Variants in STXBP5 observed in about 807,000 individuals in gnomAD.
STXBP5 encodes syntaxin binding protein 5.
STXBP5 carries 50 observed loss-of-function variants against 152.4 expected under a neutral mutation model. That is an observed-to-expected ratio of 0.33 (90% CI 0.26 to 0.42). STXBP5 has a LOEUF of 0.42. Among genes scored for constraint, STXBP5 ranks in the 10% least tolerant of loss-of-function variants. The probability of loss-of-function intolerance (pLI) is 1.00; values close to 1 mark genes in which losing one functional copy is unlikely to be tolerated. For synonymous variants in STXBP5, 492 were observed against 494.7 expected, an observed-to-expected ratio of 0.99 and a Z score of 0.07; for missense variants, 1,167 against 1,388.6, an observed-to-expected ratio of 0.84 and a Z score of 2.54.
chr6:147,315,663 C>T lies in STXBP5; in HGVS notation c.1551C>T (p.Cys517=). ...GGTGTCCAGAAAGTAGAATGCTGTG[C>T]ATCGCTGGAGTTTCAGCTCATGTCA... The part of the protein sequence containing the change: ...ISWCPESRML[C]IAGVSAHVII... The change falls in exon 15 of 28, where the codon TGC becomes TGT. Residue 517 remains cysteine, a synonymous_variant. Coordinates refer to ENST00000321680, the MANE Select transcript of STXBP5 (RefSeq NM_001127715.4). The T allele has an allele frequency of 1.2e-6, 2 of 1,613,900 alleles. No homozygotes were observed. The highest frequency in any genetic ancestry group is 1.1e-5 in the South Asian group (1 of 91,076).
Position 147,311,520 on chromosome 6 carries a change from C to G in STXBP5, c.1138C>G (p.Gln380Glu). The G allele has an allele frequency of 6.2e-7, 1 of 1,609,800 alleles. No individual in the cohort carries two copies. Among genetic ancestry groups the G allele is most frequent in the Non-Finnish European group, 8.5e-7 (1 of 1,177,930 alleles). The change falls in exon 11 of 28, where the codon CAA becomes GAA. Residue 380 changes from glutamine to glutamate, a missense_variant. Coordinates refer to ENST00000321680, the MANE Select transcript of STXBP5 (RefSeq NM_001127715.4). ...EKDLVLIDLAQNGYPIFENPY... is the reference protein window; with the variant it reads ...EKDLVLIDLAENGYPIFENPY... ...GGATTTAGTACTTATAGACCTTGCA[C>G]AAAATGGGTAAGAAATAAAATTTGG...
intron 9 of STXBP5, among the ~76,000 whole-genome samples, chr6:147,303,928 G>T (rs1439455796): frequency 1.3e-5 from 2 of 152,128 alleles, no homozygotes; most frequent in African/African-American, 4.8e-5. Flanking sequence ...ATTATTTGGT[G>T]TTATCTGGTG....
At chr6:147,362,425 G>A (rs1785108187) in intron 23 of STXBP5, among the ~76,000 whole-genome samples, 1 of 152,126 alleles carries the variant, frequency 6.6e-6, no homozygotes, top group Non-Finnish European at 1.5e-5. Flanking sequence ...ACTCAGAAGT[G>A]AGCATAAAGC....
chr6:147,328,309 T>G (rs1783377506), intron 18 of STXBP5, among the ~76,000 whole-genome samples: 1 of 152,172 alleles, frequency 6.6e-6, no homozygotes, highest in Admixed American at 6.5e-5. Context: ...GACCAGAGAT[T>G]GAGGGCAACC....
chr6:147,314,663 GT>G, intron 14 of STXBP5, 27 bp downstream of exon 14: 4 of 1,555,352 alleles, frequency 2.6e-6, no homozygotes, highest in Non-Finnish European at 3.5e-6. Context: ...TTCATTATTT[GT>G]TATATGTTAT....
intron 26 of STXBP5, among the ~76,000 whole-genome samples, chr6:147,381,560 A>G (rs1786084295): frequency 6.6e-6 from 1 of 152,168 alleles, no homozygotes; most frequent in Admixed American, 6.5e-5. Context: ...GAAAACATGC[A>G]TTTACCCAAA....
At position 147,325,054 on chromosome 6, in the gene STXBP5, C is replaced by A. The variant is rs932927025; in HGVS notation, c.1898C>A (p.Thr633Asn). 13 of 1,578,580 alleles carry A rather than the reference C, an allele frequency of 8.2e-6. No homozygotes were observed. In the African/African-American group the frequency reaches 1.8e-4, roughly 21 times the overall value. ...GGTGGAGAACCACCACAACAAATAA[C>A]CAGCCTGGCAGTCAATTCTTCCTAT... ...WVGGEPPQQITSLAVNSSYGL... is the reference protein window; with the variant it reads ...WVGGEPPQQINSLAVNSSYGL... Residue 633 changes from threonine to asparagine, a missense_variant, in exon 17 of 28, where the codon ACC becomes AAC. Physicochemically the swap from Thr to Asn is moderately conservative, Grantham distance 65. Around this residue, in one of 3 missense-constraint regions of STXBP5, gnomAD observed 833 missense variants for 986.3 expected, o/e 0.84. Coordinates refer to ENST00000321680, the MANE Select transcript of STXBP5 (RefSeq NM_001127715.4).
At chr6:147,325,234 G>A (rs1783187950) in intron 17 of STXBP5, 150 bp downstream of exon 17, 1 of 838,966 alleles carries the variant, frequency 1.2e-6, no homozygotes. Context: ...CTGTTTATTT[G>A]GAACATAATT....
chr6:147,332,928 C>T (rs1369841273), intron 18 of STXBP5, among the ~76,000 whole-genome samples: 1 of 152,124 alleles, frequency 6.6e-6, no homozygotes, highest in East Asian at 1.9e-4. Flanking sequence ...GGACCCTCAA[C>T]TCAAACCTCA....
At position 147,380,453 on chromosome 6, in the gene STXBP5, C is replaced by CAA. The variant is rs1405289668; in HGVS notation, c.3194-2309_3194-2308dup. On this transcript the variant is annotated intron_variant, in intron 26 of 27. Transcript: ENST00000321680. ...GTTGGAATAACTAGATATTCATCTG[C>CAA]AAAAAAAAAAAAAAAAAGATGTTGG... 1.5e-3 allele frequency among the ~76,000 whole-genome samples: 95 copies of CAA among 63,634 alleles called. 2 individuals are homozygous for CAA. Among genetic ancestry groups the CAA allele is most frequent in the African/African-American group, 4.9e-3 (85 of 17,362 alleles). The allele number at this position is 63,634 out of a possible 152,430, so 41.7% of individuals were successfully genotyped here. A position where few individuals can be genotyped will look rare whatever the true frequency, so the allele number is the denominator to read the frequency against.
intron 11 of STXBP5, among the ~76,000 whole-genome samples, chr6:147,311,745 A>G (rs948929970): frequency 2.0e-5 from 3 of 152,128 alleles, no homozygotes; most frequent in African/African-American, 7.2e-5. Context: ...AATTTGTTGT[A>G]GTTCTGAAAT....
chr6:147,297,405 G>T (rs1781581142), intron 9 of STXBP5, among the ~76,000 whole-genome samples: 1 of 152,134 alleles, frequency 6.6e-6, no homozygotes, highest in South Asian at 2.1e-4. Flanking sequence ...ACAAGGAAAA[G>T]CTGAGATAAT....
chr6:147,236,778 C>CT (rs796882567), intron 3 of STXBP5, among the ~76,000 whole-genome samples: 4,338 of 135,882 alleles, frequency 0.032, 225 homozygotes, highest in African/African-American at 0.098. Flanking sequence ...CCTGTTCTGT[C>CT]TTTTTTTTTT....
At chr6:147,258,720 A>G (rs1475276283) in intron 4 of STXBP5, among the ~76,000 whole-genome samples, 1 of 152,210 alleles carries the variant, frequency 6.6e-6, no homozygotes, top group Non-Finnish European at 1.5e-5. Context: ...GGCGTGAGCC[A>G]CCGCGCCCAG....
At chr6:147,360,163 A>C (rs1400945091) in intron 23 of STXBP5, among the ~76,000 whole-genome samples, 1 of 152,108 alleles carries the variant, frequency 6.6e-6, no homozygotes, top group Non-Finnish European at 1.5e-5. Context: ...GCTGGAGAGG[A>C]TGTGGAGAAA....
At chr6:147,280,574 C>T (rs1441105497) in intron 8 of STXBP5, among the ~76,000 whole-genome samples, 3 of 152,088 alleles carry the variant, frequency 2.0e-5, no homozygotes, top group Non-Finnish European at 4.4e-5. Context: ...AAACTTTTCC[C>T]CTTTAGTTTT....
At chr6:147,217,291 T>A (rs185148131) in intron 2 of STXBP5, among the ~76,000 whole-genome samples, 1 of 152,238 alleles carries the variant, frequency 6.6e-6, no homozygotes, top group Non-Finnish European at 1.5e-5. Flanking sequence ...GTGTTGTATT[T>A]TTCTTTTAAA....
chr6:147,226,442 A>G (rs1777716804), intron 2 of STXBP5, among the ~76,000 whole-genome samples: 1 of 152,156 alleles, frequency 6.6e-6, no homozygotes, highest in African/African-American at 2.4e-5. Flanking sequence ...CGTTCCTATT[A>G]CCTGAGACTG....
chr6:147,310,088 C>T lies in STXBP5; in HGVS notation c.922C>T (p.Pro308Ser). Residue 308 changes from proline (P) to serine (S), a missense_variant, in exon 10 of 28, where the codon CCT (proline) becomes TCT (serine). Around this residue, in one of 3 missense-constraint regions of STXBP5, gnomAD observed 24 missense variants for 56.2 expected, o/e 0.43. Transcript: ENST00000321680. ...VEFKTTRSGEPFIILSGGLSY... is the reference protein window; with the variant it reads ...VEFKTTRSGESFIILSGGLSY... ...TAATATGTATTTTATTTCCAGGGAG[C>T]CTTTTATTATTTTATCAGGAGGTTT... 5 of 1,528,098 alleles carry T rather than the reference C, an allele frequency of 3.3e-6. No homozygotes were observed. The highest frequency in any genetic ancestry group is 2.4e-5 in the East Asian group (1 of 41,784). The allele number at this position is 1,528,098 out of a possible 1,614,324, so 94.7% of individuals were successfully genotyped here.
Sources: gnomAD v4.1 joint callset for allele counts (sites outside exome capture counted in the v4.1 genomes callset) on GRCh38, gnomAD v4.1.1 for gene constraint, gnomAD v4.1.1 regional missense constraint, MANE v1.5 for transcripts, NCBI Gene and HGNC (gene_info 2026-07-23, HGNC 2026-07-21) for gene names.